Variants in ERGIC2 observed in about 807,000 individuals in gnomAD.
The protein encoded by ERGIC2 is ERGIC and golgi 2.
A neutral mutation model predicts 52.5 loss-of-function variants in ERGIC2; 31 were observed. The ratio of observed to expected loss-of-function variants is 0.59; its 90% CI spans 0.44 to 0.80. ERGIC2 has a LOEUF of 0.80. Among genes scored for constraint, ERGIC2 ranks in the 30% least tolerant of loss-of-function variants. The probability of loss-of-function intolerance (pLI) is 0.00; values close to 1 mark genes in which losing one functional copy is unlikely to be tolerated. For synonymous variants in ERGIC2, 129 were observed against 140.6 expected, an observed-to-expected ratio of 0.92 and a Z score of 0.58; for missense variants, 395 against 455.2, an observed-to-expected ratio of 0.87 and a Z score of 1.20.
chr12:29,356,864 C>T (rs1940213565), intron 7 of ERGIC2, among the ~76,000 whole-genome samples: 1 of 151,922 alleles, frequency 6.6e-6, no homozygotes, highest in Non-Finnish European at 1.5e-5. Flanking sequence ...AAAGGCATGC[C>T]ACCTAAATTC....
intron 11 of ERGIC2, among the ~76,000 whole-genome samples, chr12:29,344,622 C>T (rs1940016548): frequency 6.6e-6 from 1 of 151,822 alleles, no homozygotes; most frequent in African/African-American, 2.4e-5. Flanking sequence ...GCTATAGACA[C>T]ATGACACTTC....
In ERGIC2 at chr12:29,341,182, G is replaced by GT. The variant is rs773977966; in HGVS notation, c.1107dup (p.Pro370ThrfsTer6). The GT allele has an allele frequency of 6.2e-7, 1 of 1,610,056 alleles. No individual in the cohort carries two copies. The highest frequency in any genetic ancestry group is 1.1e-5 in the South Asian group (1 of 90,498). ...TAATGTGTATTATTTTCTAAAAGAGGTAAGTGGTTGTCTGTGTGGCCATCC... is the reference window on the plus strand; with the variant it reads ...TAATGTGTATTATTTTCTAAAAGAGGTTAAGTGGTTGTCTGTGTGGCCATCC... On this transcript the variant is annotated frameshift_variant, in exon 14 of 14. Coordinates refer to ENST00000360150, the MANE Select transcript of ERGIC2 (RefSeq NM_016570.3). LOFTEE classifies it high-confidence loss of function.
At chr12:29,351,591 A>G (rs981701760) in intron 8 of ERGIC2, among the ~76,000 whole-genome samples, 3 of 152,196 alleles carry the variant, frequency 2.0e-5, no homozygotes, top group African/African-American at 4.8e-5. Flanking sequence ...TTAACTGGCT[A>G]TTAGATACTG....
intron 7 of ERGIC2, among the ~76,000 whole-genome samples, 184 bp from the exon 8 acceptor site, chr12:29,356,661 AAAAAGT>A (rs1940210449): frequency 6.6e-6 from 1 of 152,242 alleles, no homozygotes; most frequent in Non-Finnish European, 1.5e-5. Context: ...TAAAATGGGA[AAAAAGT>A]ATTTAATATC....
In ERGIC2 at chr12:29,362,480, C is replaced by A. The variant is rs567979969; in HGVS notation, c.334-795G>T. ...CAGCTGGTGGTAGGCACCTGTAATC[C>A]CAGCTACTCAAGAGGCTGAAGCACG... On this transcript the variant is annotated intron_variant, in intron 5 of 13. Transcript: ENST00000360150. Among the ~76,000 whole-genome samples the A allele has an allele frequency of 5.3e-5, 8 of 152,120 alleles. No individual in the cohort carries two copies. In the East Asian group the frequency reaches 9.7e-4, roughly 18 times the overall value.
chr12:29,343,555 A>G (rs559069187), intron 11 of ERGIC2, among the ~76,000 whole-genome samples: 1 of 152,196 alleles, frequency 6.6e-6, no homozygotes, highest in South Asian at 2.1e-4. Context: ...TTTTCTACTG[A>G]GCTCAAGAGC....
chr12:29,351,119 A>G (rs1226476173), intron 8 of ERGIC2, among the ~76,000 whole-genome samples: 1 of 152,166 alleles, frequency 6.6e-6, no homozygotes, highest in Non-Finnish European at 1.5e-5. Context: ...GTAGTAGGGC[A>G]AGATGGAATA....
chr12:29,351,873 T>C (rs981654241), intron 8 of ERGIC2, among the ~76,000 whole-genome samples: 79 of 152,314 alleles, frequency 5.2e-4, no homozygotes, highest in African/African-American at 1.8e-3. Context: ...ATTGCTTTTT[T>C]ATAGGTTGGT....
In ERGIC2 at chr12:29,379,212, G is replaced by A. The variant is rs79630862; in HGVS notation, c.-38+1903C>T. Reference sequence around the variant, plus strand: ...CTCAATAAAAGTATAGAAAATTAAAGTTAAAAAGTATTAAGGAAAAGGTCA... The same window carrying A: ...CTCAATAAAAGTATAGAAAATTAAAATTAAAAAGTATTAAGGAAAAGGTCA... On this transcript the variant is annotated intron_variant, in intron 1 of 13. Coordinates refer to ENST00000360150, the MANE Select transcript of ERGIC2 (RefSeq NM_016570.3). 6.6e-3 allele frequency among the ~76,000 whole-genome samples: 1,007 copies of A among 152,150 alleles called. 12 individuals are homozygous for A. The highest frequency in any genetic ancestry group is 0.023 in the African/African-American group (955 of 41,512).
Position 29,340,676 on chromosome 12 carries a change from G to T in ERGIC2, c.*480C>A. The T allele has an allele frequency of 9.9e-6, 3 of 301,942 alleles. No homozygotes were observed. Among genetic ancestry groups the T allele is most frequent in the African/African-American group, 2.3e-5 (1 of 43,566 alleles). 18.7% of individuals were successfully genotyped at this position (301,942 alleles called of 1,614,324 possible). A position where few individuals can be genotyped will look rare whatever the true frequency, so the allele number is the denominator to read the frequency against. ...CGTTTTTTTTTTTTATTAACAATGTGACCTGATCACAATTCTTTAAAGTCT... is the reference window on the plus strand; with the variant it reads ...CGTTTTTTTTTTTTATTAACAATGTTACCTGATCACAATTCTTTAAAGTCT... On this transcript the variant is annotated 3_prime_UTR_variant, in exon 14 of 14. Coordinates refer to ENST00000360150, the MANE Select transcript of ERGIC2 (RefSeq NM_016570.3).
At chr12:29,353,637 C>T (rs1245972748) in intron 8 of ERGIC2, among the ~76,000 whole-genome samples, 1 of 151,796 alleles carries the variant, frequency 6.6e-6, no homozygotes, top group African/African-American at 2.4e-5. Context: ...ATAAGGGATG[C>T]TCAACCTATA....
In ERGIC2 at chr12:29,341,761, T is replaced by G; in HGVS notation, c.1044A>C (p.Arg348Ser). 1 of 1,599,076 alleles carries G rather than the reference T, an allele frequency of 6.3e-7. No homozygotes were observed. Among genetic ancestry groups the G allele is most frequent in the Non-Finnish European group, 8.6e-7 (1 of 1,166,386 alleles). Residue 348 changes from arginine to serine, a missense_variant, in exon 13 of 14, where the codon AGA (arginine) becomes AGC (serine). By Grantham distance (110) the Arg-to-Ser change is moderately radical. Coordinates refer to ENST00000360150, the MANE Select transcript of ERGIC2 (RefSeq NM_016570.3). ...AATTGACAGGTTTATAGGATCCAAG[T>G]CTGAAACGACAGCAAATTATTTCAA... ...FIVEIICCRF[R>S]LGSYKPVNSV...
intron 7 of ERGIC2, 108 bp downstream of exon 7, chr12:29,357,514 TC>T: frequency 1.5e-6 from 1 of 661,286 alleles, no homozygotes; most frequent in Non-Finnish European, 2.7e-6. Context: ...GATTCTATTT[TC>T]CCTTCCTAAG....
At chr12:29,369,186 G>C (rs1263246154) in intron 3 of ERGIC2, among the ~76,000 whole-genome samples, 1 of 151,928 alleles carries the variant, frequency 6.6e-6, no homozygotes, top group Admixed American at 6.6e-5. Context: ...AGTAGGCCAA[G>C]TAGACAAACT....
chr12:29,337,631 C>T lies in ERGIC2; in HGVS notation c.*3525G>A, dbSNP rs1269825876. On this transcript the variant is annotated 3_prime_UTR_variant, in exon 14 of 14. Coordinates refer to ENST00000360150, the MANE Select transcript of ERGIC2 (RefSeq NM_016570.3). ...TTTTGATTGTGTTGAAAAAGGGCTA[C>T]CACCTTGGCTTGCTGAAGGTTTGCT... 2 of 152,072 alleles carry T rather than the reference C, an allele frequency of 1.3e-5. No homozygotes were observed. The highest frequency in any genetic ancestry group is 6.6e-5 in the Admixed American group (1 of 15,266). 9.4% of individuals were successfully genotyped at this position (152,072 alleles called of 1,614,324 possible).
chr12:29,360,324 A>G (rs1253487301), intron 6 of ERGIC2, among the ~76,000 whole-genome samples: 1 of 151,780 alleles, frequency 6.6e-6, no homozygotes, highest in African/African-American at 2.4e-5. Flanking sequence ...CAATCTAAAT[A>G]TGCATCAATA....
chr12:29,348,802 C>T (rs201123894), intron 10 of ERGIC2, among the ~76,000 whole-genome samples: 3 of 151,768 alleles, frequency 2.0e-5, no homozygotes, highest in African/African-American at 4.8e-5. Flanking sequence ...AATGTATTAA[C>T]CTTTCATCTA....
At chr12:29,360,693 T>C (rs1250760142) in intron 6 of ERGIC2, among the ~76,000 whole-genome samples, 1 of 149,912 alleles carries the variant, frequency 6.7e-6, no homozygotes, top group African/African-American at 2.4e-5. Context: ...ACATATTATA[T>C]ACATACACAG....
chr12:29,357,298 G>A (rs1379511679), intron 7 of ERGIC2, among the ~76,000 whole-genome samples: 2 of 151,760 alleles, frequency 1.3e-5, no homozygotes, highest in African/African-American at 4.8e-5. Context: ...TACAAAAACG[G>A]GAAATAAAAC....
Sources: gnomAD v4.1 joint callset for allele counts (sites outside exome capture counted in the v4.1 genomes callset) on GRCh38, gnomAD v4.1.1 for gene constraint, MANE v1.5 for transcripts, NCBI Gene and HGNC (gene_info 2026-07-23, HGNC 2026-07-21) for gene names.